FMN1: variants seen among roughly 807,000 people sequenced by gnomAD.
The protein encoded by FMN1 is formin-1.
FMN1 carries 110 observed loss-of-function variants against 132.4 expected under a neutral mutation model. The observed-to-expected ratio is 0.83, with a 90% confidence interval of 0.71 to 0.97. The LOEUF is 0.97. FMN1 is among the 50% of genes least tolerant of loss of function. The pLI, the probability that FMN1 is intolerant of heterozygous loss-of-function variation, is 0.00. For missense variants in FMN1, 1,792 were observed against 1,705.3 expected (o/e 1.05, Z -0.90); for synonymous variants, 722 against 651.7 (o/e 1.11, Z -1.64).
chr15:33,077,171 C>T (rs1237791251), intron 5 of FMN1, among the ~76,000 whole-genome samples: 2 of 151,958 alleles, frequency 1.3e-5, no homozygotes, highest in African/African-American at 2.4e-5. Flanking sequence ...TGGGACCACA[C>T]GTGCATGCCA....
At chr15:33,057,532 C>G (rs1414888105) in intron 6 of FMN1, among the ~76,000 whole-genome samples, 1 of 152,170 alleles carries the variant, frequency 6.6e-6, no homozygotes, top group African/African-American at 2.4e-5. Context: ...AAAATCCAAA[C>G]AAGTAAATTA....
intron 4 of FMN1, among the ~76,000 whole-genome samples, chr15:33,099,467 T>C (rs1391726925): frequency 1.3e-5 from 2 of 152,242 alleles, no homozygotes; most frequent in East Asian, 3.9e-4. Context: ...ATTAGAATAA[T>C]AGCAGCAATG....
chr15:32,900,214 G>T, intron 13 of FMN1, 89 bp from the exon 14 acceptor site: 1 of 1,413,102 alleles, frequency 7.1e-7, no homozygotes, highest in Non-Finnish European at 9.9e-7. Flanking sequence ...GTACTCAATA[G>T]GCTGTCGGGA....
At chr15:33,028,667 G>A (rs1397788225) in intron 6 of FMN1, among the ~76,000 whole-genome samples, 1 of 152,180 alleles carries the variant, frequency 6.6e-6, no homozygotes, top group Admixed American at 6.5e-5. Context: ...AAGGATATCA[G>A]CTCATTTCAT....
intron 5 of FMN1, among the ~76,000 whole-genome samples, chr15:33,079,830 CTTTT>C (rs1004537474): frequency 6.6e-6 from 1 of 151,536 alleles, no homozygotes; most frequent in South Asian, 2.1e-4. Flanking sequence ...AATCAGATTA[CTTTT>C]TTTTTCAACT....
rs111687291 is a variant in FMN1, at chr15:33,009,030, G to A, written c.2162-955C>T. 4.6e-5 allele frequency among the ~76,000 whole-genome samples: 7 copies of A among 152,322 alleles called. 2 individuals are homozygous for A. The highest frequency in any genetic ancestry group is 1.7e-4 in the African/African-American group (7 of 41,570). ...TTTGTGTTTTAATTTAAAAATGGAA[G>A]AAGGAAATCATTGGCAAAGCCACGC... On this transcript the variant is annotated intron_variant, in intron 6 of 20. Transcript: ENST00000616417.
At chr15:33,001,155 T>C (rs1332228369) in intron 7 of FMN1, among the ~76,000 whole-genome samples, 1 of 152,180 alleles carries the variant, frequency 6.6e-6, no homozygotes, top group Non-Finnish European at 1.5e-5. Flanking sequence ...TGGTAGCACA[T>C]GCTTGTAATT....
chr15:32,864,207 T>C (rs1021286756), intron 16 of FMN1, among the ~76,000 whole-genome samples: 5 of 152,204 alleles, frequency 3.3e-5, no homozygotes, highest in African/African-American at 1.2e-4. Flanking sequence ...CAATAAAAAG[T>C]ACCTATTTCA....
At chr15:33,106,405 A>G (rs1429280147) in intron 4 of FMN1, among the ~76,000 whole-genome samples, 1 of 151,996 alleles carries the variant, frequency 6.6e-6, no homozygotes. Context: ...CAATGTGTAC[A>G]TGATTCTACA....
chr15:33,098,797 C>T (rs1445236778), intron 4 of FMN1, among the ~76,000 whole-genome samples: 1 of 152,150 alleles, frequency 6.6e-6, no homozygotes, highest in East Asian at 1.9e-4. Flanking sequence ...TGGCCCTTTT[C>T]CCTGCCTCTA....
At chr15:32,838,894 T>C (rs1400310578) in intron 17 of FMN1, among the ~76,000 whole-genome samples, 2 of 152,146 alleles carry the variant, frequency 1.3e-5, no homozygotes, top group South Asian at 2.1e-4. Flanking sequence ...GTCCCCATTA[T>C]CTCATGCTTG....
At chr15:32,778,568 A>C (rs1269732699) in intron 19 of FMN1, among the ~76,000 whole-genome samples, 5 of 152,072 alleles carry the variant, frequency 3.3e-5, no homozygotes, top group Admixed American at 6.6e-5. Context: ...CAACATCATT[A>C]GTCATCAGAA....
chr15:32,827,157 A>G (rs1354772092), intron 17 of FMN1, among the ~76,000 whole-genome samples: 1 of 152,198 alleles, frequency 6.6e-6, no homozygotes, highest in Admixed American at 6.5e-5. Flanking sequence ...TCTTTCCAAG[A>G]AGAAAGATGG....
intron 4 of FMN1, among the ~76,000 whole-genome samples, chr15:33,098,687 G>A (rs548842602): frequency 2.0e-5 from 3 of 152,298 alleles, no homozygotes; most frequent in Admixed American, 6.5e-5. Context: ...TAAAGAGCAG[G>A]TAAAAGAGTA....
At chr15:32,973,440 C>T (rs1042523051) in intron 7 of FMN1, among the ~76,000 whole-genome samples, 1 of 152,192 alleles carries the variant, frequency 6.6e-6, no homozygotes, top group African/African-American at 2.4e-5. Flanking sequence ...TCCTCACATA[C>T]TGTATTCACT....
At chr15:32,985,764 C>T (rs754534614) in intron 7 of FMN1, among the ~76,000 whole-genome samples, 2 of 152,030 alleles carry the variant, frequency 1.3e-5, no homozygotes, top group African/African-American at 4.8e-5. Flanking sequence ...GTTTAGTGCC[C>T]CTCCCAACTG....
chr15:33,007,248 T>G lies in FMN1; in HGVS notation c.2223+766A>C, dbSNP rs74795235. 2.8e-4 allele frequency among the ~76,000 whole-genome samples: 43 copies of G among 152,306 alleles called. No homozygotes were observed. The East Asian group carries it at 7.1e-3, about 25-fold the overall frequency. On this transcript the variant is annotated intron_variant, in intron 7 of 20. Coordinates refer to ENST00000616417, the MANE Select transcript of FMN1 (RefSeq NM_001277313.2). The stretch of plus-strand genomic sequence containing the variant: ...ATGTCTGATCCACAGATTGATTAAA[T>G]TAGCAGTCATGAGTTAACATTAAAT...
At chr15:33,056,473 G>C (rs1455468346) in intron 6 of FMN1, among the ~76,000 whole-genome samples, 1 of 152,152 alleles carries the variant, frequency 6.6e-6, no homozygotes, top group Non-Finnish European at 1.5e-5. Context: ...ATTGGTTACA[G>C]CTCAGTGTTT....
At chr15:32,972,438 C>G (rs1481741796) in intron 7 of FMN1, among the ~76,000 whole-genome samples, 1 of 152,226 alleles carries the variant, frequency 6.6e-6, no homozygotes, top group African/African-American at 2.4e-5. Context: ...CACCCAATTA[C>G]TGGCTTTCAT....
Sources: gnomAD v4.1 joint callset for allele counts (sites outside exome capture counted in the v4.1 genomes callset) on GRCh38, gnomAD v4.1.1 for gene constraint, MANE v1.5 for transcripts, NCBI Gene and HGNC (gene_info 2026-07-23, HGNC 2026-07-21) for gene names.